The following NFIB variants were observed in gnomAD, a reference collection of about 807,000 sequenced individuals.
NFIB encodes the protein nuclear factor 1 B-type.
Under a neutral mutation model 61.5 loss-of-function variants are expected in NFIB, and 11 were observed. That is an observed-to-expected ratio of 0.18 (90% CI 0.11 to 0.30). The LOEUF is 0.30. Among genes scored for constraint, NFIB ranks in the 10% least tolerant of loss-of-function variants. The pLI is 1.00. For synonymous variants in NFIB, 260 were observed against 216.5 expected, an observed-to-expected ratio of 1.20 and a Z score of -1.76; for missense variants, 471 against 608.9, an observed-to-expected ratio of 0.77 and a Z score of 2.38.
intron 1 of NFIB, among the ~76,000 whole-genome samples, chr9:14,336,536 T>C (rs1190819053): frequency 6.6e-6 from 1 of 152,226 alleles, no homozygotes; most frequent in Non-Finnish European, 1.5e-5. Context: ...GTTTTGTATA[T>C]AGCAACTCAC....
At chr9:14,367,874 T>C (rs985183048) in intron 1 of NFIB, among the ~76,000 whole-genome samples, 3 of 152,028 alleles carry the variant, frequency 2.0e-5, no homozygotes, top group Admixed American at 1.3e-4. Flanking sequence ...CACCGGGGCC[T>C]GTCAGGGGGT....
chr9:14,138,892 A>ATG lies in NFIB; in HGVS notation c.925+7795_925+7796dup, dbSNP rs36000888. Among the ~76,000 whole-genome samples, 1,342 of 149,144 alleles carry ATG rather than the reference A, an allele frequency of 9.0e-3. 7 individuals carry two copies. Among genetic ancestry groups the ATG allele is most frequent in the African/African-American group, 0.02 (828 of 41,088 alleles). Reference sequence around the variant, plus strand: ...TGGCACTAATAATAATAGTTGATTTATGTGTGTGTGTGTGTGTGTATGTAT... The same window carrying ATG: ...TGGCACTAATAATAATAGTTGATTTATGTGTGTGTGTGTGTGTGTGTATGTAT... On this transcript the variant is annotated intron_variant, in intron 6 of 10. Transcript: ENST00000380953.
intron 2 of NFIB, among the ~76,000 whole-genome samples, chr9:14,189,107 T>C (rs757194138): frequency 2.6e-5 from 4 of 152,208 alleles, no homozygotes; most frequent in Admixed American, 6.5e-5. Context: ...ATGACTTACA[T>C]ATCTGGTTTA....
At chr9:14,459,399 A>G in the NFIB span, among the ~76,000 whole-genome samples, 1 of 152,216 alleles carries the variant, frequency 6.6e-6, no homozygotes, top group Non-Finnish European at 1.5e-5. Context: ...TGTTAGACCT[A>G]AAACCATAAA....
the NFIB span, among the ~76,000 whole-genome samples, chr9:14,463,662 T>C: frequency 0.17 from 1,887 of 11,104 alleles, 150 homozygotes; most frequent in African/African-American, 0.41. Context: ...TGATTTTCTT[T>C]TTTTTTTTTT....
chr9:14,177,659 C>T (rs913290583), intron 3 of NFIB, among the ~76,000 whole-genome samples: 3 of 151,932 alleles, frequency 2.0e-5, no homozygotes, highest in South Asian at 2.1e-4. Flanking sequence ...AATCAACGTA[C>T]GATTTACATA....
the NFIB span, among the ~76,000 whole-genome samples, chr9:14,427,937 G>GTTGTTTTTTT: frequency 9.2e-5 from 4 of 43,384 alleles, no homozygotes; most frequent in East Asian, 7.9e-4. Flanking sequence ...TAATTCAGTT[G>GTTGTTTTTTT]TTTTTTTTTT....
intron 10 of NFIB, among the ~76,000 whole-genome samples, chr9:14,100,519 T>G (rs1432974189): frequency 6.6e-6 from 1 of 152,046 alleles, no homozygotes; most frequent in Non-Finnish European, 1.5e-5. Context: ...CCATCCTGGC[T>G]AACACAGTGA....
At chr9:14,240,322 T>G (rs951382500) in intron 2 of NFIB, among the ~76,000 whole-genome samples, 5 of 152,136 alleles carry the variant, frequency 3.3e-5, no homozygotes, top group Admixed American at 1.3e-4. Flanking sequence ...CTGCCATATA[T>G]CTTTATACTC....
chr9:14,210,061 T>C (rs763321004), intron 2 of NFIB, among the ~76,000 whole-genome samples: 4 of 152,212 alleles, frequency 2.6e-5, no homozygotes, highest in Non-Finnish European at 4.4e-5. Flanking sequence ...TTGGTAGCTA[T>C]GTATTTGTCT....
intron 1 of NFIB, among the ~76,000 whole-genome samples, chr9:14,395,902 G>A (rs1037453640): frequency 2.0e-5 from 3 of 151,682 alleles, no homozygotes; most frequent in Non-Finnish European, 2.9e-5. Context: ...GGGTGTGGGT[G>A]GGGGTGGGGA....
the NFIB span, among the ~76,000 whole-genome samples, chr9:14,479,340 T>C: frequency 5.9e-5 from 9 of 152,204 alleles, no homozygotes; most frequent in African/African-American, 2.2e-4. Context: ...CTGAAACCCA[T>C]ACTAGCAGAC....
chr9:14,315,105 G>C (rs917612901), upstream of NFIB, among the ~76,000 whole-genome samples: 2 of 152,024 alleles, frequency 1.3e-5, no homozygotes, highest in East Asian at 3.9e-4. Flanking sequence ...GCGGGGACCT[G>C]AGCGAACTTG....
At chr9:14,271,027 T>A (rs941589735) in intron 2 of NFIB, among the ~76,000 whole-genome samples, 2 of 151,780 alleles carry the variant, frequency 1.3e-5, no homozygotes, top group Admixed American at 6.6e-5. Context: ...TCCACCCCCA[T>A]CCCCATTCTC....
intron 1 of NFIB, among the ~76,000 whole-genome samples, chr9:14,365,295 C>T (rs1170588089): frequency 6.6e-6 from 1 of 152,096 alleles, no homozygotes; most frequent in Non-Finnish European, 1.5e-5. Context: ...TCCTGCTTCC[C>T]AGTCCAATGG....
intron 10 of NFIB, chr9:14,094,200 T>C (rs2034420636): frequency 6.6e-6 from 1 of 152,136 alleles, no homozygotes; most frequent in Non-Finnish European, 1.5e-5. Context: ...CTGTGAAGCA[T>C]AGTTTACTTT....
intron 2 of NFIB, among the ~76,000 whole-genome samples, chr9:14,266,624 C>A (rs2057225891): frequency 6.6e-6 from 1 of 151,784 alleles, no homozygotes; most frequent in Non-Finnish European, 1.5e-5. Context: ...AAAGTAAAAC[C>A]CAAGTCTTCA....
At chr9:14,493,090 A>G in the NFIB span, among the ~76,000 whole-genome samples, 1 of 152,130 alleles carries the variant, frequency 6.6e-6, no homozygotes. Context: ...GTTTGAACTC[A>G]CTCAGTTCTT....
At position 14,296,091 on chromosome 9, in the gene NFIB, T is replaced by C. The variant is rs1282183320; in HGVS notation, c.562+10898A>G. ...AGCAGGACTTCGATTTCCTCTTTGG[T>C]ATGTCTTGTTACCTGAGATAAATAT... On this transcript the variant is annotated intron_variant, in intron 2 of 10. Transcript: ENST00000380953. Among the ~76,000 whole-genome samples the C allele has an allele frequency of 3.9e-5, 6 of 152,238 alleles. No homozygotes were observed. In the East Asian group the frequency reaches 1.2e-3, roughly 29 times the overall value.
Sources: allele counts gnomAD v4.1 joint callset (sites outside exome capture counted in the v4.1 genomes callset), GRCh38; gene constraint gnomAD v4.1.1; transcripts MANE v1.5; gene names NCBI Gene and HGNC (gene_info 2026-07-23, HGNC 2026-07-21).